ARHGAP40: variants seen among roughly 807,000 people sequenced by gnomAD.
ARHGAP40 encodes Rho GTPase activating protein 40, also known as rho GTPase-activating protein 40.
A neutral mutation model predicts 73.5 loss-of-function variants in ARHGAP40; 43 were observed. The ratio of observed to expected loss-of-function variants is 0.58; its 90% confidence interval spans 0.46 to 0.75. The LOEUF (loss-of-function observed/expected upper bound fraction) is 0.75, where lower values mean the gene tolerates loss of function less well. Among genes scored for constraint, ARHGAP40 ranks in the 30% least tolerant of loss-of-function variants. The probability of loss-of-function intolerance (pLI) is 0.00; values close to 1 mark genes in which losing one functional copy is unlikely to be tolerated. For synonymous variants in ARHGAP40, 300 were observed against 352.8 expected (o/e 0.85, Z 1.68); for missense variants, 734 against 861.8 (o/e 0.85, Z 1.86).
At chr20:38,629,126 C>T in intron 4 of ARHGAP40, 124 bp downstream of exon 4, 1 of 867,426 alleles carries the variant, frequency 1.2e-6, no homozygotes, top group Non-Finnish European at 1.6e-6. Flanking sequence ...CCCTGCCTTC[C>T]CTGCTCAAGG....
At chr20:38,630,315 G>C (rs2088931136) in intron 5 of ARHGAP40, among the ~76,000 whole-genome samples, 1 of 151,546 alleles carries the variant, frequency 6.6e-6, no homozygotes, top group Non-Finnish European at 1.5e-5. Context: ...AACCTCCCAG[G>C]CTCAAGCTAT....
intron 1 of ARHGAP40, among the ~76,000 whole-genome samples, chr20:38,616,268 G>A (rs1194827677): frequency 6.6e-6 from 1 of 152,230 alleles, no homozygotes; most frequent in East Asian, 1.9e-4. Context: ...CTGCCCAACA[G>A]CGGCTGTTGC....
chr20:38,648,398 C>T (rs766108582), intron 13 of ARHGAP40, among the ~76,000 whole-genome samples: 13 of 152,220 alleles, frequency 8.5e-5, no homozygotes, highest in Non-Finnish European at 1.6e-4. Context: ...GGCCTCGCAG[C>T]GGGGTGCACC....
At chr20:38,624,591 C>T (rs1406919300) in intron 2 of ARHGAP40, among the ~76,000 whole-genome samples, 2 of 152,084 alleles carry the variant, frequency 1.3e-5, no homozygotes, top group African/African-American at 4.8e-5. Flanking sequence ...CTACTTCTGT[C>T]CTCGGGCCTC....
At chr20:38,628,876 C>A in intron 3 of ARHGAP40, 51 bp from the exon 4 acceptor site, 3 of 1,235,276 alleles carry the variant, frequency 2.4e-6, no homozygotes, top group South Asian at 1.3e-5. Flanking sequence ...GTTGTGTGAG[C>A]ATTGTCAGCT....
chr20:38,610,135 G>A (rs562599650), intron 1 of ARHGAP40, among the ~76,000 whole-genome samples: 9 of 152,270 alleles, frequency 5.9e-5, no homozygotes, highest in African/African-American at 1.7e-4. Flanking sequence ...TCAAAGATCC[G>A]AGAACCACTA....
At chr20:38,642,297 T>G (rs1031820235) in intron 10 of ARHGAP40, among the ~76,000 whole-genome samples, 1 of 152,154 alleles carries the variant, frequency 6.6e-6, no homozygotes, top group Admixed American at 6.5e-5. Flanking sequence ...TAGCAAATTC[T>G]CCTTGTCGTA....
intron 1 of ARHGAP40, among the ~76,000 whole-genome samples, chr20:38,612,771 C>T (rs970039047): frequency 1.3e-5 from 2 of 152,158 alleles, no homozygotes; most frequent in African/African-American, 4.8e-5. Context: ...TTCAGCTCCT[C>T]ATTCATACTA....
At chr20:38,637,844 G>C in intron 7 of ARHGAP40, 45 bp downstream of exon 7, 1 of 1,275,388 alleles carries the variant, frequency 7.8e-7, no homozygotes, top group South Asian at 1.3e-5. Context: ...ATCCTTCAGA[G>C]GCTGGCTCAG....
intron 1 of ARHGAP40, among the ~76,000 whole-genome samples, chr20:38,608,504 T>C (rs6070754): frequency 0.63 from 95,410 of 152,036 alleles, 33,789 homozygotes; most frequent in East Asian, 0.86. Context: ...TACTATGGGC[T>C]GAATGTTTTA....
At chr20:38,601,890 C>T in exon 1 of ARHGAP40, 1 of 1,286,204 alleles carries the variant, frequency 7.8e-7, no homozygotes, top group Non-Finnish European at 1.0e-6. Context: ...CCGATCGAGT[C>T]AGCCCCACGG....
chr20:38,625,794 T>TC (rs1411562603), intron 2 of ARHGAP40, among the ~76,000 whole-genome samples: 1 of 152,248 alleles, frequency 6.6e-6, no homozygotes, highest in Non-Finnish European at 1.5e-5. Flanking sequence ...CAATGTCTAC[T>TC]CATGGCAGGT....
intron 5 of ARHGAP40, among the ~76,000 whole-genome samples, chr20:38,632,994 A>G (rs1185082141): frequency 8.5e-5 from 13 of 152,116 alleles, no homozygotes; most frequent in African/African-American, 2.9e-4. Context: ...GTGGTGGTAC[A>G]CAACTATAAT....
Position 38,611,401 on chromosome 20 carries a change from G to A in ARHGAP40, c.137+9322G>A, listed in dbSNP as rs1036363681. On this transcript the variant is annotated intron_variant, in intron 1 of 14. Coordinates refer to ENST00000373345, the Ensembl canonical transcript of ARHGAP40. Reference sequence around the variant, plus strand: ...ATTTTTGGTTTATGGAGGGCACTAAGCCTATTTAAAACTTTTTTTTTTTTT... The same window carrying A: ...ATTTTTGGTTTATGGAGGGCACTAAACCTATTTAAAACTTTTTTTTTTTTT... 4.0e-4 allele frequency among the ~76,000 whole-genome samples: 57 copies of A among 142,354 alleles called. No homozygotes were observed. The Middle Eastern group carries it at 0.011, about 27-fold the overall frequency. 93.4% of individuals were successfully genotyped at this position (142,354 alleles called of 152,430 possible).
At chr20:38,632,401 ACAGGCGCCCGCCAC>A (rs199832421) in intron 5 of ARHGAP40, among the ~76,000 whole-genome samples, 4,145 of 152,010 alleles carry the variant, frequency 0.027, 71 homozygotes, top group Non-Finnish European at 0.041. Context: ...AGCTGGGACT[ACAGGCGCCCGCCAC>A]CATGCCTGGC....
intron 1 of ARHGAP40, among the ~76,000 whole-genome samples, chr20:38,603,293 T>C (rs2088747070): frequency 6.6e-6 from 1 of 152,230 alleles, no homozygotes; most frequent in Non-Finnish European, 1.5e-5. Flanking sequence ...TCATACAGCA[T>C]GTTCGCTGAG....
chr20:38,607,026 C>T (rs1363997328), intron 1 of ARHGAP40, among the ~76,000 whole-genome samples: 1 of 152,110 alleles, frequency 6.6e-6, no homozygotes, highest in East Asian at 1.9e-4. Context: ...GCTTCATAGA[C>T]TTGTTGTGAG....
At chr20:38,634,496 G>A (rs2088960642) in intron 5 of ARHGAP40, 124 bp from the exon 6 acceptor site, 2 of 791,638 alleles carry the variant, frequency 2.5e-6, no homozygotes, top group Admixed American at 2.4e-5. Context: ...CTCCTCTTGA[G>A]TGCTTGCTCT....
exon 15 of ARHGAP40, chr20:38,650,250 C>A (rs767666137): frequency 4.7e-6 from 2 of 428,254 alleles, no homozygotes; most frequent in Non-Finnish European, 9.6e-6. Flanking sequence ...GCGCTTGGAT[C>A]TCCATGGGCT....
Sources: allele counts gnomAD v4.1 joint callset (sites outside exome capture counted in the v4.1 genomes callset), GRCh38; gene constraint gnomAD v4.1.1; transcripts MANE v1.5; gene names NCBI Gene and HGNC (gene_info 2026-07-23, HGNC 2026-07-21).